SHROOM3: variants seen among roughly 807,000 people sequenced by gnomAD.
SHROOM3 encodes shroom family member 3.
A neutral mutation model predicts 138.6 loss-of-function variants in SHROOM3; 47 were observed. The ratio of observed to expected loss-of-function variants is 0.34; its 90% confidence interval spans 0.27 to 0.43. The LOEUF (loss-of-function observed/expected upper bound fraction) is 0.43, where lower values mean the gene tolerates loss of function less well. Ranked by LOEUF, SHROOM3 falls within the 20% of genes least tolerant of loss-of-function variation. The pLI, the probability that SHROOM3 is intolerant of heterozygous loss-of-function variation, is 1.00. For missense variants in SHROOM3, 2,491 were observed against 2,596.5 expected (o/e 0.96, Z 0.88); for synonymous variants, 1,062 against 1,063.3 (o/e 1.00, Z 0.02).
intron 2 of SHROOM3, among the ~76,000 whole-genome samples, chr4:76,666,315 T>A (rs898918650): frequency 6.6e-6 from 1 of 152,194 alleles, no homozygotes; most frequent in African/African-American, 2.4e-5. Flanking sequence ...ATCAGTGGAT[T>A]ACAGCCTGCC....
chr4:76,528,669 C>T (rs1364752945), intron 1 of SHROOM3, among the ~76,000 whole-genome samples: 1 of 151,806 alleles, frequency 6.6e-6, no homozygotes, highest in Admixed American at 6.6e-5. Flanking sequence ...TCTCCTGCCT[C>T]AGTCTCCCCA....
chr4:76,710,133 T>G, intron 2 of SHROOM3, 23 bp from the exon 3 acceptor site: 1 of 1,613,794 alleles, frequency 6.2e-7, no homozygotes, highest in Non-Finnish European at 8.5e-7. Context: ...ATGCTCAGCT[T>G]CTTCTTTTCC....
In SHROOM3 at chr4:76,665,231, C is replaced by T. The variant is rs188234074; in HGVS notation, c.324-44925C>T. ...TGCTTCAGGCCTCCAACTGTGGAAC[C>T]ACCTCCACTTGGCTGCAGCTTTACC... On this transcript the variant is annotated intron_variant, in intron 2 of 10. Transcript: ENST00000296043. Among the ~76,000 whole-genome samples the T allele has an allele frequency of 6.6e-5, 10 of 152,286 alleles. No individual in the cohort carries two copies. The East Asian group carries it at 1.9e-3, about 29-fold the overall frequency.
At chr4:76,442,143 A>G (rs575555160) in intron 1 of SHROOM3, among the ~76,000 whole-genome samples, 1 of 152,358 alleles carries the variant, frequency 6.6e-6, no homozygotes, top group South Asian at 2.1e-4. Context: ...TGCTGTATAT[A>G]TTTCTTCTCT....
intron 2 of SHROOM3, among the ~76,000 whole-genome samples, chr4:76,646,223 TAA>T (rs1491211134): frequency 1.1e-4 from 11 of 100,416 alleles, no homozygotes; most frequent in African/African-American, 5.0e-4. Context: ...GTATAATAAA[TAA>T]ATATATATAT....
At chr4:76,689,609 G>C (rs1166243493) in intron 2 of SHROOM3, 4 of 985,146 alleles carry the variant, frequency 4.1e-6, no homozygotes, top group Non-Finnish European at 4.8e-6. Context: ...GATGCCGCGC[G>C]CCGCCTCCTC....
At chr4:76,652,426 A>G (rs922442676) in intron 2 of SHROOM3, among the ~76,000 whole-genome samples, 3 of 152,176 alleles carry the variant, frequency 2.0e-5, no homozygotes, top group Non-Finnish European at 2.9e-5. Context: ...GTCTCTAGGC[A>G]GCCTCTGTCA....
At chr4:76,614,346 G>A (rs983881649) in intron 2 of SHROOM3, among the ~76,000 whole-genome samples, 3 of 152,132 alleles carry the variant, frequency 2.0e-5, no homozygotes, top group African/African-American at 4.8e-5. Flanking sequence ...GAGCCACTGC[G>A]CCCGGTCCTA....
At position 76,681,594 on chromosome 4, in the gene SHROOM3, G is replaced by GGGGTGTGTGTGTGTGTGTGTGT. The variant is rs1553936165; in HGVS notation, c.324-28561_324-28560insGGTGTGTGTGTGTGTGTGTGTG. On this transcript the variant is annotated intron_variant, in intron 2 of 10. Coordinates refer to ENST00000296043, the MANE Select transcript of SHROOM3 (RefSeq NM_020859.4). ...TGTAAGAAGCTTAGGCAGAGTCTAG[G>GGGGTGTGTGTGTGTGTGTGTGT]GTGTGTGTGTGTGTGTGTGTGTGTG... Among the ~76,000 whole-genome samples, 18 of 81,054 alleles carry GGGGTGTGTGTGTGTGTGTGTGT rather than the reference G, an allele frequency of 2.2e-4. 1 individual carries two copies. The highest frequency in any genetic ancestry group is 9.1e-4 in the African/African-American group (16 of 17,642). The allele number at this position is 81,054 out of a possible 152,430, so 53.2% of individuals were successfully genotyped here. A position where few individuals can be genotyped will look rare whatever the true frequency, so the allele number is the denominator to read the frequency against.
At position 76,558,170 on chromosome 4, in the gene SHROOM3, T is replaced by C. The variant is rs937344977; in HGVS notation, c.323+2407T>C. On this transcript the variant is annotated intron_variant, in intron 2 of 10. Transcript: ENST00000296043. ...TTCCTGCTATGAAGAATAATCATGG[T>C]GGCTTCTGGTAGGCCTTCTAATAGA... is the stretch of plus-strand genomic sequence containing the variant. Among the ~76,000 whole-genome samples, 3 of 152,336 alleles carry C rather than the reference T, an allele frequency of 2.0e-5. No homozygotes were observed. The East Asian group carries it at 5.8e-4, about 29-fold the overall frequency.
intron 2 of SHROOM3, among the ~76,000 whole-genome samples, chr4:76,642,942 C>A (rs1026917069): frequency 6.6e-6 from 1 of 152,072 alleles, no homozygotes. Flanking sequence ...AGCAATGGCT[C>A]ATGCCTGTAA....
intron 3 of SHROOM3, among the ~76,000 whole-genome samples, chr4:76,721,127 C>A (rs1720536796): frequency 6.6e-6 from 1 of 151,446 alleles, no homozygotes; most frequent in South Asian, 2.1e-4. Context: ...CCGGCTAAAA[C>A]GGTGAAACCC....
At position 76,705,103 on chromosome 4, in the gene SHROOM3, A is replaced by G. The variant is rs115395212; in HGVS notation, c.324-5053A>G. ...ACAGTGTTCAAGAGAGCCCTAAGGA[A>G]CTGAAAGATCTGGAACCCTTTCTTT... On this transcript the variant is annotated intron_variant, in intron 2 of 10. Transcript: ENST00000296043. Among the ~76,000 whole-genome samples, 199 of 152,326 alleles carry G rather than the reference A, an allele frequency of 1.3e-3. 1 individual carries two copies. The highest frequency in any genetic ancestry group is 4.6e-3 in the African/African-American group (190 of 41,568).
intron 2 of SHROOM3, among the ~76,000 whole-genome samples, chr4:76,662,414 G>A (rs1034058068): frequency 2.6e-5 from 4 of 152,200 alleles, no homozygotes; most frequent in South Asian, 4.2e-4. Context: ...AATCCCCCTC[G>A]TGCTTTGAAT....
At chr4:76,737,099 AC>A (rs1202504045) in intron 4 of SHROOM3, among the ~76,000 whole-genome samples, 1 of 152,146 alleles carries the variant, frequency 6.6e-6, no homozygotes, top group Non-Finnish European at 1.5e-5. Context: ...CGCCCCTAAG[AC>A]CTGGCAACCA....
rs756725047 is a variant in SHROOM3 at position 76,740,247 on chromosome 4, A to G, written c.2074A>G (p.Arg692Gly). The G allele has an allele frequency of 6.2e-7, 1 of 1,613,288 alleles. No individual in the cohort carries two copies. Among genetic ancestry groups the G allele is most frequent in the South Asian group, 1.1e-5 (1 of 91,086 alleles). Reference sequence around the variant, plus strand: ...AACCCAGGAGGGTTACCCCGGGGGCAGGCCCACCTGTGCAGTCAACACCAA... The same window carrying G: ...AACCCAGGAGGGTTACCCCGGGGGCGGGCCCACCTGTGCAGTCAACACCAA... ...RGTQEGYPGG[R>G]PTCAVNTKAE... Residue 692 changes from arginine (R) to glycine (G), a missense_variant, in exon 5 of 11, where the codon AGG becomes GGG. Physicochemically the swap from Arg to Gly is moderately radical, Grantham distance 125. Transcript: ENST00000296043. This position sits in a 1 kb window ranked among gnomAD's most constrained non-coding sequence, Gnocchi z 4.0.
intron 1 of SHROOM3, among the ~76,000 whole-genome samples, chr4:76,509,871 T>C (rs1203704832): frequency 1.3e-5 from 2 of 152,218 alleles, no homozygotes; most frequent in Non-Finnish European, 2.9e-5. Flanking sequence ...TATTGGATCA[T>C]TTAGGTTACC....
At chr4:76,778,741 T>TTGC (rs1169558490) in intron 10 of SHROOM3, 68 bp from the exon 11 acceptor site, 1 of 1,606,496 alleles carries the variant, frequency 6.2e-7, no homozygotes, top group Non-Finnish European at 8.5e-7. Flanking sequence ...AGAGGTGTCC[T>TTGC]TGCAGGGAGT....
chr4:76,742,960 G>GA (rs1003653543), intron 5 of SHROOM3, among the ~76,000 whole-genome samples: 5 of 152,012 alleles, frequency 3.3e-5, no homozygotes, highest in Admixed American at 2.0e-4. Flanking sequence ...TACACAAAAG[G>GA]AAAAAATAAG....
Sources: gnomAD v4.1 joint callset for allele counts (sites outside exome capture counted in the v4.1 genomes callset) on GRCh38, gnomAD v4.1.1 for gene constraint, Gnocchi (gnomAD v3.1) non-coding constraint, MANE v1.5 for transcripts, NCBI Gene and HGNC (gene_info 2026-07-23, HGNC 2026-07-21) for gene names.